DMGDH: variants seen among roughly 807,000 people sequenced by gnomAD.
DMGDH encodes dimethylglycine dehydrogenase, also known as dimethylglycine dehydrogenase, mitochondrial.
DMGDH carries 76 observed loss-of-function variants against 95.2 expected under a neutral mutation model. The ratio of observed to expected loss-of-function variants is 0.80; its 90% CI spans 0.66 to 0.97. The LOEUF (loss-of-function observed/expected upper bound fraction) is 0.97. DMGDH is among the 50% of genes least tolerant of loss of function. The pLI, the probability that DMGDH is intolerant of heterozygous loss-of-function variation, is 0.00. For missense variants in DMGDH, 987 were observed against 1,055.0 expected (o/e 0.94, Z 0.89); for synonymous variants, 345 against 377.6 (o/e 0.91, Z 1.00).
chr5:79,037,726 A>G (rs900063633), intron 7 of DMGDH, among the ~76,000 whole-genome samples: 2 of 152,218 alleles, frequency 1.3e-5, no homozygotes, highest in Admixed American at 6.5e-5. Context: ...CAATTAGTTA[A>G]TAGGTGTTCC....
At chr5:79,052,035 G>A (rs912331931) in intron 4 of DMGDH, among the ~76,000 whole-genome samples, 6 of 152,172 alleles carry the variant, frequency 3.9e-5, no homozygotes, top group Non-Finnish European at 8.8e-5. Flanking sequence ...AGGAGCTTTT[G>A]TCAAATGTCT....
chr5:79,018,292 A>G (rs951099559), intron 14 of DMGDH, among the ~76,000 whole-genome samples: 3 of 151,796 alleles, frequency 2.0e-5, no homozygotes, highest in Non-Finnish European at 4.4e-5. Flanking sequence ...TTCCACCTCC[A>G]CCTCCCAAAG....
At chr5:79,021,435 A>C in intron 14 of DMGDH, 1 of 1,203,316 alleles carries the variant, frequency 8.3e-7, no homozygotes, top group Non-Finnish European at 1.1e-6. Context: ...TGAATGATAC[A>C]TGTGTATCAA....
At chr5:79,069,077 A>G (rs1278278226) in intron 1 of DMGDH, among the ~76,000 whole-genome samples, 1 of 152,256 alleles carries the variant, frequency 6.6e-6, no homozygotes, top group Non-Finnish European at 1.5e-5. Flanking sequence ...AACCATTTAA[A>G]TGTTAATGAA....
intron 15 of DMGDH, among the ~76,000 whole-genome samples, chr5:79,003,762 C>T (rs759788504): frequency 3.3e-5 from 5 of 152,050 alleles, no homozygotes; most frequent in Non-Finnish European, 7.4e-5. Context: ...GCCTGGGCAA[C>T]GTGGAGAAAC....
At chr5:79,035,447 A>G (rs1754322257) in intron 7 of DMGDH, among the ~76,000 whole-genome samples, 1 of 152,156 alleles carries the variant, frequency 6.6e-6, no homozygotes, top group African/African-American at 2.4e-5. Flanking sequence ...AGGCTAAATA[A>G]AGTCACACAG....
chr5:79,044,939 C>T (rs1415732200), intron 5 of DMGDH, among the ~76,000 whole-genome samples: 7 of 152,136 alleles, frequency 4.6e-5, no homozygotes, highest in South Asian at 2.1e-4. Flanking sequence ...TGGACAGGGA[C>T]AGTCAGGCAA....
At chr5:79,013,489 GC>G (rs1753679218) in intron 14 of DMGDH, among the ~76,000 whole-genome samples, 1 of 151,978 alleles carries the variant, frequency 6.6e-6, no homozygotes, top group African/African-American at 2.4e-5. Context: ...TCTAACCTCT[GC>G]CCATTACCCA....
chr5:79,025,803 G>T (rs1753985575), intron 13 of DMGDH, among the ~76,000 whole-genome samples: 2 of 152,146 alleles, frequency 1.3e-5, no homozygotes, highest in South Asian at 2.1e-4. Flanking sequence ...AAATAAAGTA[G>T]GAGAACAGAG....
chr5:79,043,949 T>C (rs1223538488), intron 6 of DMGDH, among the ~76,000 whole-genome samples: 2 of 152,152 alleles, frequency 1.3e-5, no homozygotes, highest in Admixed American at 6.5e-5. Flanking sequence ...AAAAGCACAA[T>C]AGCATCTATA....
At chr5:79,036,072 A>G (rs550737839) in intron 7 of DMGDH, among the ~76,000 whole-genome samples, 14 of 152,372 alleles carry the variant, frequency 9.2e-5, no homozygotes, top group African/African-American at 3.1e-4. Flanking sequence ...TGGGCAAGTT[A>G]TGTAACCACC....
intron 15 of DMGDH, chr5:79,000,461 G>C: frequency 3.2e-6 from 2 of 617,196 alleles, no homozygotes; most frequent in Non-Finnish European, 6.3e-6. Context: ...CAAACTACTG[G>C]ATCAAAGTCT....
At chr5:79,065,628 GATGATTTAAAGTAT>G (rs1755356075) in intron 1 of DMGDH, among the ~76,000 whole-genome samples, 1 of 152,174 alleles carries the variant, frequency 6.6e-6, no homozygotes. Flanking sequence ...ACTCTAAAAT[GATGATTTAAAGTAT>G]AGTGTAGTAA....
chr5:79,053,474 AC>A (rs1220354412), intron 4 of DMGDH, among the ~76,000 whole-genome samples: 1 of 152,188 alleles, frequency 6.6e-6, no homozygotes, highest in African/African-American at 2.4e-5. Context: ...CCTGCCCCAT[AC>A]TATTATTGTG....
chr5:79,034,853 C>G (rs1199248502), intron 7 of DMGDH, among the ~76,000 whole-genome samples: 6 of 151,750 alleles, frequency 4.0e-5, no homozygotes, highest in East Asian at 3.9e-4. Flanking sequence ...GTCAGGAGAT[C>G]GAGACCATCT....
At chr5:79,011,950 A>G (rs1753654570) in intron 14 of DMGDH, among the ~76,000 whole-genome samples, 2 of 152,122 alleles carry the variant, frequency 1.3e-5, no homozygotes, top group African/African-American at 4.8e-5. Context: ...AAACCATATG[A>G]TTACACCTCT....
At chr5:79,035,379 G>A (rs1754320196) in intron 7 of DMGDH, among the ~76,000 whole-genome samples, 1 of 152,132 alleles carries the variant, frequency 6.6e-6, no homozygotes, top group Non-Finnish European at 1.5e-5. Context: ...CTAACACATA[G>A]AAGCTGATTT....
chr5:79,032,769 C>T lies in DMGDH; in HGVS notation c.1435G>A (p.Glu479Lys), dbSNP rs1391737843. 23 of 1,614,180 alleles carry T rather than the reference C, an allele frequency of 1.4e-5. No individual in the cohort carries two copies. The highest frequency in any genetic ancestry group is 1.9e-5 in the Non-Finnish European group (23 of 1,180,036). Reference protein sequence around the residue: ...QRVSGLYQRLESKCSMGFHAG... With the variant: ...QRVSGLYQRLKSKCSMGFHAG... ...TGGAACCCCATGGAACACTTAGACTCCAGCCTTTGATAGAGCCCACTGACT... is the reference window on the plus strand; with the variant it reads ...TGGAACCCCATGGAACACTTAGACTTCAGCCTTTGATAGAGCCCACTGACT... Residue 479 changes from glutamate to lysine, a missense_variant, in exon 9 of 16, where the codon GAG (glutamate) becomes AAG (lysine). By Grantham distance (56) the Glu-to-Lys change is moderately conservative. Coordinates refer to ENST00000255189, the MANE Select transcript of DMGDH (RefSeq NM_013391.3).
At chr5:79,063,960 T>TG (rs1755291934) in intron 1 of DMGDH, among the ~76,000 whole-genome samples, 173 bp from the exon 2 acceptor site, 1 of 152,170 alleles carries the variant, frequency 6.6e-6, no homozygotes, top group African/African-American at 2.4e-5. Flanking sequence ...GCAACCTGGT[T>TG]GGGGGAGGGG....
Sources: allele counts gnomAD v4.1 joint callset (sites outside exome capture counted in the v4.1 genomes callset), GRCh38; gene constraint gnomAD v4.1.1; transcripts MANE v1.5; gene names NCBI Gene and HGNC (gene_info 2026-07-23, HGNC 2026-07-21).